Variants in PCSK5 observed in about 807,000 individuals in gnomAD.
The protein encoded by PCSK5 is prohormone convertase 5.
In PCSK5, 129 loss-of-function variants were observed where a neutral mutation model predicts 233.2. The ratio of observed to expected loss-of-function variants is 0.55; its 90% confidence interval spans 0.48 to 0.64. The LOEUF (loss-of-function observed/expected upper bound fraction) is 0.64. Ranked by LOEUF, PCSK5 falls within the 30% of genes least tolerant of loss-of-function variation. PCSK5 has a pLI of 0.00. For synonymous variants in PCSK5, 825 were observed against 879.2 expected (o/e 0.94, Z 1.09); for missense variants, 2,076 against 2,430.1 (o/e 0.85, Z 3.06).
intron 21 of PCSK5, among the ~76,000 whole-genome samples, chr9:76,229,674 C>G (rs903913799): frequency 3.9e-5 from 6 of 152,156 alleles, no homozygotes; most frequent in Admixed American, 3.3e-4. Flanking sequence ...GTTTTAATGG[C>G]TTTAATTAGG....
intron 20 of PCSK5, among the ~76,000 whole-genome samples, chr9:76,215,438 C>A (rs1825485480): frequency 1.3e-4 from 1 of 7,420 alleles, no homozygotes; most frequent in African/African-American, 2.0e-3. Flanking sequence ...CAGACCTAAG[C>A]CATGGGCTGG....
chr9:76,266,595 A>G (rs1416334289), intron 24 of PCSK5, among the ~76,000 whole-genome samples: 3 of 152,192 alleles, frequency 2.0e-5, no homozygotes, highest in East Asian at 1.9e-4. Flanking sequence ...GATCAAGCTC[A>G]TCTCTCTTCC....
At chr9:76,278,703 A>G (rs553157516) in intron 24 of PCSK5, among the ~76,000 whole-genome samples, 2 of 152,104 alleles carry the variant, frequency 1.3e-5, no homozygotes, top group South Asian at 4.2e-4. Context: ...CTATCTATCC[A>G]TCCATCCATC....
chr9:76,049,111 T>G (rs928330000), intron 5 of PCSK5, among the ~76,000 whole-genome samples: 4 of 150,270 alleles, frequency 2.7e-5, no homozygotes, highest in East Asian at 1.9e-4. Flanking sequence ...AAAAAAAAAA[T>G]AAAGAAGAAA....
chr9:76,328,174 G>T lies in PCSK5; in HGVS notation c.4505G>T (p.Cys1502Phe), dbSNP rs774951418. 4.2e-5 allele frequency: 68 copies of T among 1,612,766 alleles called. No individual in the cohort carries two copies. The highest frequency in any genetic ancestry group is 2.3e-4 in the Admixed American group (14 of 60,000). ...GGGTGCAAGCCCTGCCATGTTAAGT[G>T]CTTCCACTGCATGGGGCCGGCGGAG... is the stretch of plus-strand genomic sequence containing the variant. ...APGCKPCHVK[C>F]FHCMGPAEDQ... The change falls in exon 33 of 38, where the codon TGC becomes TTC. Residue 1502 changes from cysteine to phenylalanine, a missense_variant. By Grantham distance (205) the Cys-to-Phe change is radical. Transcript: ENST00000674117.
At chr9:76,123,949 T>A (rs1156878289) in intron 9 of PCSK5, among the ~76,000 whole-genome samples, 1 of 23,594 alleles carries the variant, frequency 4.2e-5, no homozygotes, top group Non-Finnish European at 6.8e-5. Flanking sequence ...GTTTTAGGAT[T>A]TCTTTTTTCA....
intron 2 of PCSK5, among the ~76,000 whole-genome samples, chr9:75,970,965 G>C (rs1245684315): frequency 6.6e-6 from 1 of 152,010 alleles, no homozygotes; most frequent in Non-Finnish European, 1.5e-5. Flanking sequence ...CATGCAGGAC[G>C]TGCAGGTTTG....
intron 5 of PCSK5, among the ~76,000 whole-genome samples, chr9:76,053,359 C>T (rs372167548): frequency 6.6e-5 from 10 of 152,190 alleles, no homozygotes; most frequent in Admixed American, 5.2e-4. Context: ...GAAATTTAGG[C>T]GGAGGTTCCC....
chr9:76,148,930 C>G (rs1823560206), intron 10 of PCSK5, among the ~76,000 whole-genome samples: 1 of 152,186 alleles, frequency 6.6e-6, no homozygotes. Context: ...ATTCCAGGAC[C>G]ACACAGCTTC....
At chr9:76,153,596 C>T (rs529437771) in intron 10 of PCSK5, among the ~76,000 whole-genome samples, 5 of 152,280 alleles carry the variant, frequency 3.3e-5, no homozygotes, top group South Asian at 2.1e-4. Context: ...ATGGCCGTAT[C>T]GTAACCAACT....
chr9:76,089,877 A>G (rs547492702), intron 7 of PCSK5, among the ~76,000 whole-genome samples: 42 of 152,292 alleles, frequency 2.8e-4, no homozygotes, highest in Non-Finnish European at 2.2e-4. Context: ...AGGAAATCCA[A>G]TTCTTTTCTA....
chr9:76,111,090 G>C (rs905666602), intron 9 of PCSK5, among the ~76,000 whole-genome samples: 3 of 151,966 alleles, frequency 2.0e-5, no homozygotes, highest in African/African-American at 7.3e-5. Context: ...CTGGGTGACA[G>C]AGCAAGTCTC....
At chr9:76,256,644 C>T (rs955805557) in intron 24 of PCSK5, among the ~76,000 whole-genome samples, 2 of 152,274 alleles carry the variant, frequency 1.3e-5, no homozygotes, top group South Asian at 2.1e-4. Context: ...GAAATATCTT[C>T]GATTTTTCTG....
chr9:76,167,228 A>G lies in PCSK5; in HGVS notation c.1620-2476A>G, dbSNP rs142168458. ...TTTCGAGAGGGAACCTTTATAGATC[A>G]TATACAGATGTTCTAAAAAGAGAGA... On this transcript the variant is annotated intron_variant, in intron 12 of 37. Coordinates refer to ENST00000674117, the MANE Select transcript of PCSK5 (RefSeq NM_001372043.1). Among the ~76,000 whole-genome samples the G allele has an allele frequency of 2.7e-3, 417 of 152,350 alleles. 1 individual carries two copies. The highest frequency in any genetic ancestry group is 5.0e-3 in the Non-Finnish European group (337 of 68,028).
intron 32 of PCSK5, among the ~76,000 whole-genome samples, chr9:76,323,801 A>T (rs531641955): frequency 1.3e-5 from 2 of 152,354 alleles, no homozygotes; most frequent in East Asian, 3.9e-4. Flanking sequence ...GGTCAAAAGA[A>T]GTTATCATAT....
At chr9:76,073,240 T>C (rs1230091091) in intron 7 of PCSK5, among the ~76,000 whole-genome samples, 1 of 152,176 alleles carries the variant, frequency 6.6e-6, no homozygotes, top group Non-Finnish European at 1.5e-5. Context: ...CTTCGTGGGA[T>C]TTTTGTTAGG....
intron 22 of PCSK5, among the ~76,000 whole-genome samples, chr9:76,234,442 A>C (rs946582981): frequency 3.3e-5 from 5 of 152,132 alleles, no homozygotes; most frequent in African/African-American, 1.2e-4. Flanking sequence ...TCATCCTTAC[A>C]TCATTTTTCT....
intron 13 of PCSK5, among the ~76,000 whole-genome samples, chr9:76,170,769 A>G (rs1823297757): frequency 6.6e-6 from 1 of 152,226 alleles, no homozygotes; most frequent in South Asian, 2.1e-4. Context: ...GGGAGTGTGT[A>G]GCATTCAGAT....
At chr9:76,336,134 A>T (rs1473033821) in intron 34 of PCSK5, among the ~76,000 whole-genome samples, 2 of 152,186 alleles carry the variant, frequency 1.3e-5, no homozygotes, top group African/African-American at 4.8e-5. Flanking sequence ...GACACATAGT[A>T]GTCATTGTTC....
Sources: gnomAD v4.1 joint callset for allele counts (sites outside exome capture counted in the v4.1 genomes callset) on GRCh38, gnomAD v4.1.1 for gene constraint, MANE v1.5 for transcripts, NCBI Gene and HGNC (gene_info 2026-07-23, HGNC 2026-07-21) for gene names.